The following SH3BP2 variants were observed in gnomAD, a reference collection of about 807,000 sequenced individuals.
The protein encoded by SH3BP2 is SH3 domain binding protein 2.
A neutral mutation model predicts 56.2 loss-of-function variants in SH3BP2; 38 were observed. The observed-to-expected ratio is 0.68, with a 90% CI of 0.52 to 0.89. The LOEUF (loss-of-function observed/expected upper bound fraction) is 0.89. Among genes scored for constraint, SH3BP2 ranks in the 40% least tolerant of loss-of-function variants. The pLI is 0.00. For missense variants in SH3BP2, 748 were observed against 762.6 expected (o/e 0.98, Z 0.23); for synonymous variants, 346 against 316.7 (o/e 1.09, Z -0.98).
In SH3BP2 at chr4:2,833,873, G is replaced by A. The variant is rs751234286; in HGVS notation, c.*39G>A. The A allele has an allele frequency of 1.0e-5, 16 of 1,535,052 alleles. No homozygotes were observed. Among genetic ancestry groups the A allele is most frequent in the Non-Finnish European group, 1.1e-5 (13 of 1,142,316 alleles). ...GGCTGCCAGGCCAAGGCAGTCACAG[G>A]GGCCCTGACCCCAGGCCACACAGAC... On this transcript the variant is annotated 3_prime_UTR_variant, in exon 13 of 13. Coordinates refer to ENST00000503393, the MANE Select transcript of SH3BP2 (RefSeq NM_001122681.2).
intron 1 of SH3BP2, among the ~76,000 whole-genome samples, chr4:2,801,761 C>G (rs956459441): frequency 6.6e-6 from 1 of 152,144 alleles, no homozygotes; most frequent in African/African-American, 2.4e-5. Flanking sequence ...AATAATAAAC[C>G]CAGAGAGTAA....
In SH3BP2 at chr4:2,830,139, G is replaced by A. The variant is rs752967350; in HGVS notation, c.1233G>A (p.Pro411=). ...CCAGGCCAGAGAAGCCGCAGCTCCCGCACCTCCAGTGAGTTTGTGTGGCGG... is the reference window on the plus strand; with the variant it reads ...CCAGGCCAGAGAAGCCGCAGCTCCCACACCTCCAGTGAGTTTGTGTGGCGG... The part of the protein sequence containing the change: ...VLPRPEKPQL[P]HLQRSPPDGQ... The change falls in exon 8 of 13, where the codon CCG becomes CCA. Residue 411 remains proline, a synonymous_variant. Coordinates refer to ENST00000503393, the MANE Select transcript of SH3BP2 (RefSeq NM_001122681.2). 7.5e-6 allele frequency: 12 copies of A among 1,600,248 alleles called. No homozygotes were observed. Among genetic ancestry groups the A allele is most frequent in the East Asian group, 4.5e-5 (2 of 44,858 alleles).
chr4:2,832,325 T>G lies in SH3BP2; in HGVS notation c.1407-6T>G, dbSNP rs1725032841. The G allele has an allele frequency of 6.2e-7, 1 of 1,612,470 alleles. No homozygotes were observed. Reference sequence around the variant, plus strand: ...CTCACCCGCTAATATGACTGTCTTATTTTAGGTTGTTCAAGGCTACAAGCC... The same window carrying G: ...CTCACCCGCTAATATGACTGTCTTAGTTTAGGTTGTTCAAGGCTACAAGCC... On this transcript the variant is annotated splice_region_variant and splice_polypyrimidine_tract_variant and intron_variant, in intron 10 of 12. Transcript: ENST00000503393.
At chr4:2,827,453 T>A in intron 6 of SH3BP2, 135 bp downstream of exon 6, 1 of 1,174,042 alleles carries the variant, frequency 8.5e-7, no homozygotes, top group Non-Finnish European at 1.3e-6. Context: ...GTAGCATCCC[T>A]GGGCTCTGGC....
intron 1 of SH3BP2, among the ~76,000 whole-genome samples, chr4:2,817,545 C>A (rs540880173): frequency 4.1e-4 from 62 of 152,304 alleles, no homozygotes; most frequent in African/African-American, 1.5e-3. Context: ...CTGCATCTGG[C>A]CCATCTTGGT....
At position 2,822,965 on chromosome 4, in the gene SH3BP2, G is replaced by T. The variant is rs779608979; in HGVS notation, c.167G>T (p.Arg56Leu). The T allele has an allele frequency of 2.5e-6, 4 of 1,614,054 alleles. No individual in the cohort carries two copies. Among genetic ancestry groups the T allele is most frequent in the Non-Finnish European group, 2.5e-6 (3 of 1,179,964 alleles). The change falls in exon 3 of 13, where the codon CGC becomes CTC. Residue 56 changes from arginine (R) to leucine (L), a missense_variant. This residue lies in a region of SH3BP2 where 104 missense variants were observed against 123.1 expected (regional missense o/e 0.84). Transcript: ENST00000503393. ...WPLRFVIIHK[R>L]CVYYFKSSTS... ...CTGCGCTTTGTCATCATCCACAAAC[G>T]CTGCGTCTACTACTTCAAGAGTAGC...
chr4:2,840,426 G>C lies in SH3BP2; in HGVS notation c.*6592G>C, dbSNP rs79866849. The C allele has an allele frequency of 1.8e-4, 27 of 151,950 alleles. No individual in the cohort carries two copies. The East Asian group carries it at 5.2e-3, about 29-fold the overall frequency. 9.4% of individuals were successfully genotyped at this position (151,950 alleles called of 1,614,324 possible). On this transcript the variant is annotated 3_prime_UTR_variant, in exon 13 of 13. Coordinates refer to ENST00000503393, the MANE Select transcript of SH3BP2 (RefSeq NM_001122681.2). ...ACTTTCATTTTTTTCTCTCCATAGG[G>C]TTACACACCTGTCCTATCATTGTTT...
chr4:2,830,843 G>A (rs1724946355), intron 8 of SH3BP2, among the ~76,000 whole-genome samples: 1 of 152,174 alleles, frequency 6.6e-6, no homozygotes, highest in South Asian at 2.1e-4. Context: ...TGTGCTGGCC[G>A]GCACGCGCAC....
rs1046495004 is a variant in SH3BP2 at position 2,810,919 on chromosome 4, C to T, written c.-4-9695C>T. ...CCCCACTCTGTCCGTGCCCTCCTCG[C>T]TGCCCTCTGTCTGTCTGCCTGCTGT... is the stretch of plus-strand genomic sequence containing the variant. On this transcript the variant is annotated intron_variant, in intron 1 of 12. Transcript: ENST00000503393. The surrounding 1 kb of genome is among the most constrained non-coding windows in gnomAD (Gnocchi z 4.2). 3.9e-5 allele frequency among the ~76,000 whole-genome samples: 6 copies of T among 152,354 alleles called. No homozygotes were observed. Among genetic ancestry groups the T allele is most frequent in the African/African-American group, 1.2e-4 (5 of 41,584 alleles).
chr4:2,824,714 C>T lies in SH3BP2; in HGVS notation c.341C>T (p.Ser114Phe), dbSNP rs1724499985. The T allele has an allele frequency of 3.7e-6, 6 of 1,612,836 alleles. No homozygotes were observed. Among genetic ancestry groups the T allele is most frequent in the Non-Finnish European group, 5.1e-6 (6 of 1,179,122 alleles). The change falls in exon 4 of 13, where the codon TCC becomes TTC. Residue 114 changes from serine (S) to phenylalanine (F), a missense_variant. Physicochemically the swap from Ser to Phe is radical, Grantham distance 155 (BLOSUM62 -2). Around this residue, in one of 3 missense-constraint regions of SH3BP2, gnomAD observed 635 missense variants for 615.0 expected, o/e 1.03. Coordinates refer to ENST00000503393, the MANE Select transcript of SH3BP2 (RefSeq NM_001122681.2). ...KHRTWFFSAS[S>F]EEERKSWMAL... is the part of the protein sequence containing the mutation. ...CGCACGTGGTTCTTCTCGGCCTCCT[C>T]CGAGGAGGAGCGCAAGGTGACTGGG...
At chr4:2,806,004 G>A (rs529753712) in intron 1 of SH3BP2, among the ~76,000 whole-genome samples, 1 of 152,344 alleles carries the variant, frequency 6.6e-6, no homozygotes, top group South Asian at 2.1e-4. Flanking sequence ...GAGCTGGGCG[G>A]TTCCTCCCTT....
chr4:2,812,497 G>A (rs1723793268), intron 1 of SH3BP2: 1 of 1,545,376 alleles, frequency 6.5e-7, no homozygotes, highest in Non-Finnish European at 8.7e-7. Flanking sequence ...GCGGCCCCAG[G>A]ACTGGGGCTC....
chr4:2,799,402 G>C (rs886337430), intron 1 of SH3BP2: 2 of 626,968 alleles, frequency 3.2e-6, no homozygotes, highest in Non-Finnish European at 2.0e-6. Context: ...GCTTCAGGAA[G>C]GTTTGCTACT....
intron 7 of SH3BP2, 140 bp downstream of exon 7, chr4:2,827,814 GTAT>G: frequency 2.8e-6 from 2 of 704,708 alleles, no homozygotes; most frequent in Non-Finnish European, 5.0e-6. Context: ...TGTGTCCCAA[GTAT>G]TATGAGGATT....
Position 2,835,007 on chromosome 4 carries a change from A to G in SH3BP2, c.*1173A>G, listed in dbSNP as rs529101620. ...AATACCTGGCTCAGGCCCAGCCCCA[A>G]TCCATCCCCTTACTTTCTGCCATGG... On this transcript the variant is annotated 3_prime_UTR_variant, in exon 13 of 13. Coordinates refer to ENST00000503393, the MANE Select transcript of SH3BP2 (RefSeq NM_001122681.2). 3 of 152,440 alleles carry G rather than the reference A, an allele frequency of 2.0e-5. No individual in the cohort carries two copies. Among genetic ancestry groups the G allele is most frequent in the African/African-American group, 7.2e-5 (3 of 41,558 alleles). 9.4% of individuals were successfully genotyped at this position (152,440 alleles called of 1,614,324 possible).
intron 1 of SH3BP2, chr4:2,796,383 C>T (rs1012776884): frequency 9.4e-5 from 93 of 984,948 alleles, no homozygotes; most frequent in Middle Eastern, 5.2e-4. Flanking sequence ...GGCTCTGTAA[C>T]TTCCAAGGCC....
chr4:2,820,430 G>T (rs566095879), intron 1 of SH3BP2, among the ~76,000 whole-genome samples, 184 bp from the exon 2 acceptor site: 60 of 152,256 alleles, frequency 3.9e-4, no homozygotes, highest in South Asian at 3.1e-3. Context: ...GGAGCCCGTG[G>T]CTCTGTCTCT....
rs540220040 is a variant in SH3BP2, at chr4:2,824,940, G to A, written c.358-186G>A. 1.0e-5 allele frequency: 7 copies of A among 685,662 alleles called. No homozygotes were observed. The African/African-American group carries it at 1.1e-4, about 10-fold the overall frequency. 42.5% of individuals were successfully genotyped at this position (685,662 alleles called of 1,614,324 possible). A position where few individuals can be genotyped will look rare whatever the true frequency, so the allele number is the denominator to read the frequency against. On this transcript the variant is annotated intron_variant, in intron 4 of 12. Transcript: ENST00000503393. ...GAGCCTGGTGCCAGCGCCCACACAA[G>A]GAACATGCTGTCCTGGGAGGTGCCC...
chr4:2,815,828 A>G (rs1023640290), intron 1 of SH3BP2, among the ~76,000 whole-genome samples: 2 of 152,004 alleles, frequency 1.3e-5, no homozygotes, highest in African/African-American at 2.4e-5. Context: ...GCTGGTGAGG[A>G]TGGGAGACAA....
Sources: allele counts gnomAD v4.1 joint callset (sites outside exome capture counted in the v4.1 genomes callset), GRCh38; gene constraint gnomAD v4.1.1; regional missense constraint gnomAD v4.1.1; non-coding constraint Gnocchi (gnomAD v3.1); transcripts MANE v1.5; gene names NCBI Gene and HGNC (gene_info 2026-07-23, HGNC 2026-07-21).